The following GALNT17 variants were observed in gnomAD, a reference collection of about 807,000 sequenced individuals.
GALNT17 encodes the protein polypeptide N-acetylgalactosaminyltransferase 17.
GALNT17 carries 29 observed loss-of-function variants against 63.7 expected under a neutral mutation model. The observed-to-expected ratio is 0.46, with a 90% CI of 0.34 to 0.62. The LOEUF (loss-of-function observed/expected upper bound fraction) is 0.62. Ranked by LOEUF, GALNT17 falls within the 20% of genes least tolerant of loss-of-function variation. The pLI, the probability that GALNT17 is intolerant of heterozygous loss-of-function variation, is 0.01. For synonymous variants in GALNT17, 305 were observed against 318.3 expected (o/e 0.96, Z 0.45); for missense variants, 603 against 799.6 (o/e 0.75, Z 2.97).
intron 1 of GALNT17, among the ~76,000 whole-genome samples, chr7:71,269,670 G>A (rs1415230351): frequency 6.6e-6 from 1 of 152,156 alleles, no homozygotes; most frequent in Non-Finnish European, 1.5e-5. Flanking sequence ...GGACATGAAT[G>A]GAAGTGTTCA....
chr7:71,558,052 C>T (rs1183000945), intron 5 of GALNT17, among the ~76,000 whole-genome samples: 1 of 152,078 alleles, frequency 6.6e-6, no homozygotes, highest in Non-Finnish European at 1.5e-5. Flanking sequence ...CCAGCCTGGG[C>T]CACAGAGCGA....
chr7:71,393,927 G>A lies in GALNT17; in HGVS notation c.589+5526G>A, dbSNP rs1793094920. 2.0e-5 allele frequency among the ~76,000 whole-genome samples: 3 copies of A among 152,080 alleles called. No homozygotes were observed. The South Asian group carries it at 6.2e-4, about 32-fold the overall frequency. On this transcript the variant is annotated intron_variant, in intron 3 of 10. Transcript: ENST00000333538. ...TTTTGGCACCATCTGATATTGTCACGCAGCTTCCTTGATGGGGTGTATCGC... is the reference window on the plus strand; with the variant it reads ...TTTTGGCACCATCTGATATTGTCACACAGCTTCCTTGATGGGGTGTATCGC...
chr7:71,632,197 T>A (rs1006349379), intron 6 of GALNT17, among the ~76,000 whole-genome samples: 1 of 152,182 alleles, frequency 6.6e-6, no homozygotes, highest in African/African-American at 2.4e-5. Context: ...GGAACAGCCT[T>A]GTGTCCGGCC....
intron 5 of GALNT17, 35 bp from the exon 6 acceptor site, chr7:71,571,250 C>G (rs1279386896): frequency 6.3e-7 from 1 of 1,594,260 alleles, no homozygotes; most frequent in African/African-American, 1.3e-5. Flanking sequence ...GGCACTGACA[C>G]CTCAATGAGC....
In GALNT17 at chr7:71,286,801, T is replaced by TG. The variant is rs201905767; in HGVS notation, c.239-48749_239-48748insG. ...TTATGTTTTTGTTTGTTTGTTTGTT[T>TG]TTTTGAGACAGGGTCTCACTCTTTG... On this transcript the variant is annotated intron_variant, in intron 1 of 10. Coordinates refer to ENST00000333538, the MANE Select transcript of GALNT17 (RefSeq NM_022479.3). 3.0e-3 allele frequency among the ~76,000 whole-genome samples: 457 copies of TG among 151,372 alleles called. 1 individual carries two copies. Among genetic ancestry groups the TG allele is most frequent in the Middle Eastern group, 0.014 (4 of 292 alleles).
intron 5 of GALNT17, among the ~76,000 whole-genome samples, chr7:71,502,361 G>A (rs1193576931): frequency 2.0e-5 from 3 of 152,158 alleles, no homozygotes; most frequent in South Asian, 4.1e-4. Flanking sequence ...GAGAATCTTT[G>A]TTATCTCAGC....
intron 1 of GALNT17, among the ~76,000 whole-genome samples, chr7:71,313,251 A>G (rs73179772): frequency 0.012 from 1,826 of 152,318 alleles, 21 homozygotes; most frequent in Non-Finnish European, 0.019. Context: ...AATTCTCTGA[A>G]TCATTGCAAA....
chr7:71,330,459 G>A (rs1185965758), intron 1 of GALNT17, among the ~76,000 whole-genome samples: 1 of 152,134 alleles, frequency 6.6e-6, no homozygotes, highest in Non-Finnish European at 1.5e-5. Context: ...GTGCAGTGGT[G>A]TAATCATAGC....
At chr7:71,548,157 A>G (rs899238193) in intron 5 of GALNT17, among the ~76,000 whole-genome samples, 1 of 151,628 alleles carries the variant, frequency 6.6e-6, no homozygotes, top group Admixed American at 6.6e-5. Flanking sequence ...CAGGAAAATC[A>G]CTTGAATCAG....
At chr7:71,267,725 G>C (rs1292453961) in intron 1 of GALNT17, among the ~76,000 whole-genome samples, 1 of 152,062 alleles carries the variant, frequency 6.6e-6, no homozygotes, top group Non-Finnish European at 1.5e-5. Context: ...GGGTACAGGT[G>C]CAGGAGGTAC....
chr7:71,254,919 T>G (rs1790262451), intron 1 of GALNT17, among the ~76,000 whole-genome samples: 1 of 152,234 alleles, frequency 6.6e-6, no homozygotes, highest in African/African-American at 2.4e-5. Context: ...GGGTCTAGTT[T>G]AAAACTGGAG....
intron 1 of GALNT17, among the ~76,000 whole-genome samples, chr7:71,216,927 G>T (rs554337902): frequency 6.6e-6 from 1 of 152,104 alleles, no homozygotes; most frequent in Admixed American, 6.6e-5. Flanking sequence ...GTGTATTTGT[G>T]TGTTAATTTT....
chr7:71,554,907 G>A (rs1789137297), intron 5 of GALNT17, among the ~76,000 whole-genome samples: 1 of 152,162 alleles, frequency 6.6e-6, no homozygotes, highest in African/African-American at 2.4e-5. Flanking sequence ...ATCTGAGGCT[G>A]GATAATTTAT....
chr7:71,564,241 G>A (rs118128060), intron 5 of GALNT17, among the ~76,000 whole-genome samples: 3,243 of 149,290 alleles, frequency 0.022, 45 homozygotes, highest in Non-Finnish European at 0.036. Flanking sequence ...TTTTGATCGT[G>A]ACGGGCAATT....
intron 1 of GALNT17, among the ~76,000 whole-genome samples, chr7:71,155,095 G>C (rs1017559098): frequency 6.6e-6 from 1 of 151,714 alleles, no homozygotes; most frequent in Non-Finnish European, 1.5e-5. Flanking sequence ...AAACCACCGA[G>C]CGTTGAGTTT....
At chr7:71,514,758 C>G (rs1460715999) in intron 5 of GALNT17, among the ~76,000 whole-genome samples, 1 of 152,176 alleles carries the variant, frequency 6.6e-6, no homozygotes, top group Non-Finnish European at 1.5e-5. Context: ...AAATTACTGT[C>G]TTGCTTTGAT....
intron 5 of GALNT17, among the ~76,000 whole-genome samples, chr7:71,426,660 C>T (rs1187121132): frequency 1.3e-5 from 2 of 152,108 alleles, no homozygotes; most frequent in Non-Finnish European, 2.9e-5. Flanking sequence ...GTGGCTCACA[C>T]CTTTAATCCC....
At chr7:71,185,832 C>T (rs1449757143) in intron 1 of GALNT17, among the ~76,000 whole-genome samples, 1 of 152,178 alleles carries the variant, frequency 6.6e-6, no homozygotes, top group Admixed American at 6.5e-5. Context: ...TCTACAACTC[C>T]ATTTCCCTAT....
intron 6 of GALNT17, among the ~76,000 whole-genome samples, chr7:71,573,000 A>ATTTAT (rs368403918): frequency 0.014 from 2,148 of 151,392 alleles, 22 homozygotes; most frequent in Middle Eastern, 0.017. Context: ...TTTTTTATTT[A>ATTTAT]TTTATTTTAT....
Sources: gnomAD v4.1 joint callset for allele counts (sites outside exome capture counted in the v4.1 genomes callset) on GRCh38, gnomAD v4.1.1 for gene constraint, MANE v1.5 for transcripts, NCBI Gene and HGNC (gene_info 2026-07-23, HGNC 2026-07-21) for gene names.